Variants in RBBP6 observed in about 807,000 individuals in gnomAD.
RBBP6 encodes E3 ubiquitin-protein ligase RBBP6.
A neutral mutation model predicts 167.7 loss-of-function variants in RBBP6; 25 were observed. The observed-to-expected ratio is 0.15, with a 90% CI of 0.11 to 0.21. The LOEUF (loss-of-function observed/expected upper bound fraction) is 0.21, where lower values mean the gene tolerates loss of function less well. RBBP6 is among the 10% of genes least tolerant of loss of function. RBBP6 has a pLI of 1.00. For synonymous variants in RBBP6, 789 were observed against 735.8 expected, an observed-to-expected ratio of 1.07 and a Z score of -1.17; for missense variants, 1,868 against 2,134.2, an observed-to-expected ratio of 0.88 and a Z score of 2.46.
intron 1 of RBBP6, among the ~76,000 whole-genome samples, chr16:24,543,185 A>G (rs910671257): frequency 3.9e-5 from 6 of 152,072 alleles, no homozygotes; most frequent in Non-Finnish European, 8.8e-5. Context: ...GTTAAGGTCC[A>G]GTTTCTTAAT....
chr16:24,543,429 C>T (rs1348717369), intron 1 of RBBP6, among the ~76,000 whole-genome samples: 1 of 151,850 alleles, frequency 6.6e-6, no homozygotes, highest in Non-Finnish European at 1.5e-5. Context: ...ACTACAGCCA[C>T]ACACCACCAT....
intron 16 of RBBP6, 124 bp downstream of exon 16, chr16:24,568,017 G>A (rs1313743805): frequency 1.3e-6 from 1 of 745,712 alleles, no homozygotes; most frequent in African/African-American, 1.8e-5. Context: ...GTGTATAGAA[G>A]TGAAGATGTA....
chr16:24,556,047 A>G (rs1175045227), intron 6 of RBBP6, 130 bp downstream of exon 6: 1 of 940,160 alleles, frequency 1.1e-6, no homozygotes, highest in East Asian at 2.6e-5. Context: ...CTCTGGAGCC[A>G]AATTTGCCAG....
rs1338470338 is a variant in RBBP6, at chr16:24,546,307, G to GT, written c.266+52dup. Reference sequence around the variant, plus strand: ...TATTTCTCAAAATAGACTTTTTTTAGTTTTTTTAATTTTGTGAGAAAAAAC... The same window carrying GT: ...TATTTCTCAAAATAGACTTTTTTTAGTTTTTTTTAATTTTGTGAGAAAAAAC... On this transcript the variant is annotated intron_variant, in intron 2 of 17. Coordinates refer to ENST00000319715, the MANE Select transcript of RBBP6 (RefSeq NM_006910.5). The GT allele has an allele frequency of 1.1e-5, 15 of 1,423,872 alleles. No homozygotes were observed. In the South Asian group the frequency reaches 2.1e-4, roughly 20 times the overall value. 88.2% of individuals were successfully genotyped at this position (1,423,872 alleles called of 1,614,324 possible).
chr16:24,561,554 T>G, intron 8 of RBBP6, 58 bp from the exon 9 acceptor site: 1 of 1,388,756 alleles, frequency 7.2e-7, no homozygotes, highest in Non-Finnish European at 1.0e-6. Context: ...TTAATTCATT[T>G]CGTAAACACT....
intron 10 of RBBP6, among the ~76,000 whole-genome samples, chr16:24,562,928 G>A (rs925553417): frequency 6.6e-6 from 1 of 152,114 alleles, no homozygotes; most frequent in Non-Finnish European, 1.5e-5. Context: ...TCATAGGCCA[G>A]ACTTTGATTT....
chr16:24,553,650 G>A, intron 4 of RBBP6, 93 bp downstream of exon 4: 1 of 1,015,764 alleles, frequency 9.8e-7, no homozygotes, highest in Non-Finnish European at 1.4e-6. Flanking sequence ...GTTGGGGGAG[G>A]ACATATTTTG....
chr16:24,556,582 C>G lies in RBBP6; in HGVS notation c.674+135C>G, dbSNP rs944803983. On this transcript the variant is annotated intron_variant, in intron 7 of 17. Coordinates refer to ENST00000319715, the MANE Select transcript of RBBP6 (RefSeq NM_006910.5). ...ATACCAAAGCCATTAGTCTCTACAT[C>G]TTGCATTTCTGTGAGGCTGCAGTCT... 8 of 1,022,628 alleles carry G rather than the reference C, an allele frequency of 7.8e-6. No individual in the cohort carries two copies. In the African/African-American group the frequency reaches 1.1e-4, roughly 14 times the overall value. 63.3% of individuals were successfully genotyped at this position (1,022,628 alleles called of 1,614,324 possible).
At chr16:24,570,665 AGGT>A (rs1899304508) in intron 17 of RBBP6, among the ~76,000 whole-genome samples, 166 bp downstream of exon 17, 1 of 152,306 alleles carries the variant, frequency 6.6e-6, no homozygotes, top group East Asian at 1.9e-4. Context: ...GCCAAAGACA[AGGT>A]TGTAAATAGA....
intron 4 of RBBP6, 118 bp downstream of exon 4, chr16:24,553,675 A>G (rs1596503812): frequency 4.7e-6 from 3 of 642,254 alleles, no homozygotes; most frequent in Non-Finnish European, 7.6e-6. Flanking sequence ...AGCATTGTAC[A>G]TATTATTACT....
At chr16:24,564,923 C>G in intron 14 of RBBP6, 58 bp downstream of exon 14, 1 of 1,548,680 alleles carries the variant, frequency 6.5e-7, no homozygotes, top group Non-Finnish European at 8.7e-7. Flanking sequence ...ATATATCTCA[C>G]CAAAGAAATT....
chr16:24,559,826 G>T (rs1051217075), intron 8 of RBBP6, 149 bp downstream of exon 8: 1 of 618,724 alleles, frequency 1.6e-6, no homozygotes, highest in East Asian at 3.5e-5. Flanking sequence ...TGAGAAGTCT[G>T]TTTTTCTTGC....
chr16:24,557,632 G>A (rs1277639087), intron 7 of RBBP6, among the ~76,000 whole-genome samples: 1 of 151,986 alleles, frequency 6.6e-6, no homozygotes, highest in East Asian at 1.9e-4. Flanking sequence ...TATGTGATAA[G>A]ACCCTGATTC....
At position 24,572,390 on chromosome 16, in the gene RBBP6, A is replaced by G; in HGVS notation, c.5324A>G (p.Asp1775Gly). Residue 1775 changes from aspartate to glycine, a missense_variant, in exon 18 of 18, where the codon GAT becomes GGT. Coordinates refer to ENST00000319715, the MANE Select transcript of RBBP6 (RefSeq NM_006910.5). ...HKKKKSKKNK[D>G]KEKEKEKDDQ... Reference sequence around the variant, plus strand: ...AAAAAGAAGTCAAAGAAGAACAAAGATAAAGAGAAGGAGAAGGAGAAAGAT... The same window carrying G: ...AAAAAGAAGTCAAAGAAGAACAAAGGTAAAGAGAAGGAGAAGGAGAAAGAT... 6.5e-6 allele frequency: 10 copies of G among 1,544,630 alleles called. No homozygotes were observed. Among genetic ancestry groups the G allele is most frequent in the Non-Finnish European group, 7.9e-6 (9 of 1,144,986 alleles).
In RBBP6 at chr16:24,539,916, A is replaced by C. The variant is rs1207985550; in HGVS notation, c.-711A>C. 1 of 152,926 alleles carries C rather than the reference A, an allele frequency of 6.5e-6. No individual in the cohort carries two copies. The highest frequency in any genetic ancestry group is 2.4e-5 in the African/African-American group (1 of 41,422). The allele number at this position is 152,926 out of a possible 1,614,324, so 9.5% of individuals were successfully genotyped here. A position where few individuals can be genotyped will look rare whatever the true frequency, so the allele number is the denominator to read the frequency against. On this transcript the variant is annotated 5_prime_UTR_variant, in exon 1 of 18. Coordinates refer to ENST00000319715, the MANE Select transcript of RBBP6 (RefSeq NM_006910.5). ...AGGCCTAGCGCCGGCTTTGTGTCCGAGGCGGCGGCGGCGGCGGGGGGAGGC... is the reference window on the plus strand; with the variant it reads ...AGGCCTAGCGCCGGCTTTGTGTCCGCGGCGGCGGCGGCGGCGGGGGGAGGC...
intron 1 of RBBP6, among the ~76,000 whole-genome samples, chr16:24,545,927 C>T (rs1434141149): frequency 1.3e-5 from 2 of 152,148 alleles, no homozygotes; most frequent in Non-Finnish European, 2.9e-5. Context: ...TGGAGTTCCA[C>T]AAAAGTAGAA....
In RBBP6 at chr16:24,571,205, T is replaced by A; in HGVS notation, c.4139T>A (p.Val1380Glu). The A allele has an allele frequency of 1.2e-6, 2 of 1,613,736 alleles. No individual in the cohort carries two copies. Among genetic ancestry groups the A allele is most frequent in the Non-Finnish European group, 1.7e-6 (2 of 1,179,900 alleles). ...SEKIQKFTKD[V>E]SHEIIQHEVK... is the part of the protein sequence containing the mutation. Reference sequence around the variant, plus strand: ...AAAATTCAGAAATTCACCAAGGACGTGAGCCATGAAATCATACAACATGAG... The same window carrying A: ...AAAATTCAGAAATTCACCAAGGACGAGAGCCATGAAATCATACAACATGAG... The change falls in exon 18 of 18, where the codon GTG becomes GAG. Residue 1380 changes from valine (V) to glutamate (E), a missense_variant. This residue lies in a region of RBBP6 where 591 missense variants were observed against 540.5 expected (regional missense o/e 1.09). Transcript: ENST00000319715.
At chr16:24,557,856 G>T (rs910931903) in intron 7 of RBBP6, among the ~76,000 whole-genome samples, 4 of 152,206 alleles carry the variant, frequency 2.6e-5, no homozygotes, top group African/African-American at 9.7e-5. Context: ...ATATTGAAAA[G>T]ATCTTGTGTT....
Position 24,545,708 on chromosome 16 carries a change from A to T in RBBP6, c.167-455A>T, listed in dbSNP as rs73560558. 3.6e-3 allele frequency among the ~76,000 whole-genome samples: 554 copies of T among 152,298 alleles called. 1 individual carries two copies. The highest frequency in any genetic ancestry group is 0.013 in the African/African-American group (543 of 41,560). On this transcript the variant is annotated intron_variant, in intron 1 of 17. Coordinates refer to ENST00000319715, the MANE Select transcript of RBBP6 (RefSeq NM_006910.5). ...TTCCACTATTCATTCCTTATTAGAA[A>T]ACCATTTTCTCTTTATTCATAACGT...
Sources: allele counts gnomAD v4.1 joint callset (sites outside exome capture counted in the v4.1 genomes callset), GRCh38; gene constraint gnomAD v4.1.1; regional missense constraint gnomAD v4.1.1; transcripts MANE v1.5; gene names NCBI Gene and HGNC (gene_info 2026-07-23, HGNC 2026-07-21).